CTCF: variants seen among roughly 807,000 people sequenced by gnomAD.
CTCF encodes transcriptional repressor CTCF.
In CTCF, 7 loss-of-function variants were observed where a neutral mutation model predicts 72.3. The ratio of observed to expected loss-of-function variants is 0.10; its 90% confidence interval spans 0.06 to 0.18. The LOEUF is 0.18. CTCF is among the 10% of genes least tolerant of loss of function. The pLI, the probability that CTCF is intolerant of heterozygous loss-of-function variation, is 1.00. For missense variants in CTCF, 516 were observed against 949.1 expected, an observed-to-expected ratio of 0.54 and a Z score of 6.00; for synonymous variants, 374 against 315.8, an observed-to-expected ratio of 1.18 and a Z score of -1.95.
chr16:67,636,429 TC>T (rs1277801373), intron 10 of CTCF, among the ~76,000 whole-genome samples: 3 of 148,298 alleles, frequency 2.0e-5, no homozygotes, highest in African/African-American at 7.5e-5. Flanking sequence ...GTGCCTGTAG[TC>T]CCGGCCACTC....
chr16:67,594,053 G>A (rs2051780123), intron 2 of CTCF, among the ~76,000 whole-genome samples: 1 of 152,018 alleles, frequency 6.6e-6, no homozygotes, highest in African/African-American at 2.4e-5. Flanking sequence ...TTTTTACATG[G>A]CAGGATTTTA....
intron 2 of CTCF, among the ~76,000 whole-genome samples, chr16:67,576,153 A>C (rs924326623): frequency 1.3e-4 from 18 of 142,486 alleles, no homozygotes; most frequent in Middle Eastern, 4.5e-3. Flanking sequence ...AAAAAAAAAA[A>C]AAAAAAAAAC....
intron 2 of CTCF, among the ~76,000 whole-genome samples, chr16:67,587,913 A>G (rs1167240183): frequency 6.6e-6 from 1 of 152,120 alleles, no homozygotes; most frequent in Non-Finnish European, 1.5e-5. Context: ...GCTGGGATGC[A>G]GTGGCGTAAT....
chr16:67,632,870 A>G (rs539741561), intron 10 of CTCF, among the ~76,000 whole-genome samples: 1 of 152,340 alleles, frequency 6.6e-6, no homozygotes, highest in Admixed American at 6.5e-5. Context: ...CTCTAAATTT[A>G]AACATTTTGT....
chr16:67,599,875 C>CT (rs1253684169), intron 2 of CTCF, among the ~76,000 whole-genome samples: 1 of 152,162 alleles, frequency 6.6e-6, no homozygotes, highest in African/African-American at 2.4e-5. Context: ...TTAGTAGATC[C>CT]TTTAGGCAGT....
chr16:67,583,241 C>T (rs904456503), intron 2 of CTCF, among the ~76,000 whole-genome samples: 3 of 151,878 alleles, frequency 2.0e-5, no homozygotes, highest in Non-Finnish European at 4.4e-5. Flanking sequence ...CCAGCCTTGG[C>T]CTCTCAAAGT....
At position 67,621,555 on chromosome 16, in the gene CTCF, C is replaced by A. The variant is rs1183964869; in HGVS notation, c.1321C>A (p.His441Asn). 1 of 1,612,622 alleles carries A rather than the reference C, an allele frequency of 6.2e-7. No homozygotes were observed. The highest frequency in any genetic ancestry group is 8.5e-7 in the Non-Finnish European group (1 of 1,178,840). The change falls in exon 7 of 12, where the codon CAC becomes AAC. Residue 441 changes from histidine (H) to asparagine (N), a missense_variant. Around this residue, in one of 7 missense-constraint regions of CTCF, gnomAD observed 70 missense variants for 290.1 expected, o/e 0.24. Transcript: ENST00000264010. The part of the protein sequence containing the change: ...TENVAKFHCP[H>N]CDTVIARKSD... ...AAATGTGGCCAAATTTCACTGTCCCCACTGTGACACAGTCATAGCCCGAAA... is the reference window on the plus strand; with the variant it reads ...AAATGTGGCCAAATTTCACTGTCCCAACTGTGACACAGTCATAGCCCGAAA...
intron 2 of CTCF, among the ~76,000 whole-genome samples, chr16:67,578,625 G>A (rs944443842): frequency 6.6e-6 from 1 of 151,588 alleles, no homozygotes; most frequent in African/African-American, 2.4e-5. Context: ...GAGCCAATGT[G>A]CCTGGCCAAG....
At chr16:67,612,244 T>G in intron 4 of CTCF, 123 bp downstream of exon 4, 1 of 827,636 alleles carries the variant, frequency 1.2e-6, no homozygotes, top group South Asian at 2.1e-5. Context: ...TGATGCCCTT[T>G]TTGTAATCAT....
chr16:67,577,216 A>G (rs2051509380), intron 2 of CTCF, among the ~76,000 whole-genome samples: 1 of 151,830 alleles, frequency 6.6e-6, no homozygotes, highest in Admixed American at 6.6e-5. Flanking sequence ...CAGGAGATCG[A>G]CACCATCCTG....
intron 2 of CTCF, among the ~76,000 whole-genome samples, chr16:67,609,172 G>C (rs539221940): frequency 6.6e-6 from 1 of 152,190 alleles, no homozygotes; most frequent in African/African-American, 2.4e-5. Context: ...TTCAAGGCCA[G>C]TCTGGAAATG....
chr16:67,636,677 A>T lies in CTCF; in HGVS notation c.1838-13A>T, dbSNP rs899895899. 2 of 1,579,894 alleles carry T rather than the reference A, an allele frequency of 1.3e-6. No individual in the cohort carries two copies. The highest frequency in any genetic ancestry group is 1.7e-6 in the Non-Finnish European group (2 of 1,161,548). On this transcript the variant is annotated splice_polypyrimidine_tract_variant and intron_variant, in intron 10 of 11. Coordinates refer to ENST00000264010, the MANE Select transcript of CTCF (RefSeq NM_006565.4). ...CTTGCCCCACCACCTGTGCTTCCTG[A>T]TTTCATGAAAAGAAAATGCTGAACC...
chr16:67,633,389 G>C (rs889059234), intron 10 of CTCF, among the ~76,000 whole-genome samples: 1 of 152,092 alleles, frequency 6.6e-6, no homozygotes, highest in Non-Finnish European at 1.5e-5. Context: ...CTGGCTCCTC[G>C]TCAGTATTCT....
chr16:67,601,423 C>T (rs1204490627), intron 2 of CTCF, among the ~76,000 whole-genome samples: 1 of 151,494 alleles, frequency 6.6e-6, no homozygotes, highest in East Asian at 1.9e-4. Flanking sequence ...ACTGCAAGCT[C>T]CACCTCTCGG....
intron 2 of CTCF, among the ~76,000 whole-genome samples, chr16:67,607,889 G>A (rs1210709417): frequency 6.6e-6 from 1 of 151,286 alleles, no homozygotes; most frequent in Non-Finnish European, 1.5e-5. Context: ...TGTGGTGGTG[G>A]GCACCTGTAA....
At chr16:67,568,789 A>G (rs534321989) in intron 1 of CTCF, among the ~76,000 whole-genome samples, 1 of 151,542 alleles carries the variant, frequency 6.6e-6, no homozygotes, top group Non-Finnish European at 1.5e-5. Flanking sequence ...GTGGCCTCTC[A>G]AAGTGCTGGA....
Position 67,639,066 on chromosome 16 carries a change from T to A in CTCF, c.*1194T>A, listed in dbSNP as rs1341769164. ...TAGCTGTACTGTGTGATATTTTTCATTATTTTAGGACGCCAACATGAGACC... is the reference window on the plus strand; with the variant it reads ...TAGCTGTACTGTGTGATATTTTTCAATATTTTAGGACGCCAACATGAGACC... On this transcript the variant is annotated 3_prime_UTR_variant, in exon 12 of 12. Transcript: ENST00000264010. 4.9e-6 allele frequency: 1 copy of A among 202,410 alleles called. No individual in the cohort carries two copies. The allele number at this position is 202,410 out of a possible 1,614,324, so 12.5% of individuals were successfully genotyped here.
At chr16:67,563,816 T>A (rs769499155) in intron 1 of CTCF, 7 of 152,248 alleles carry the variant, frequency 4.6e-5, no homozygotes, top group Non-Finnish European at 7.3e-5. Context: ...ACTTAGTACC[T>A]GATGCTCTAG....
intron 2 of CTCF, among the ~76,000 whole-genome samples, chr16:67,598,182 G>T (rs904562803): frequency 1.3e-5 from 2 of 151,998 alleles, no homozygotes; most frequent in African/African-American, 2.4e-5. Context: ...CTACTGTGTT[G>T]CCCAGGCCTG....
Sources: allele counts gnomAD v4.1 joint callset (sites outside exome capture counted in the v4.1 genomes callset), GRCh38; gene constraint gnomAD v4.1.1; regional missense constraint gnomAD v4.1.1; transcripts MANE v1.5; gene names NCBI Gene and HGNC (gene_info 2026-07-23, HGNC 2026-07-21).